ROBO1: variants seen among roughly 807,000 people sequenced by gnomAD.
ROBO1 encodes roundabout guidance receptor 1.
A neutral mutation model predicts 195.9 loss-of-function variants in ROBO1; 149 were observed. That is an observed-to-expected ratio of 0.76 (90% confidence interval 0.67 to 0.87). The LOEUF (loss-of-function observed/expected upper bound fraction) is 0.87. Ranked by LOEUF, ROBO1 falls within the 40% of genes least tolerant of loss-of-function variation. The pLI, the probability that ROBO1 is intolerant of heterozygous loss-of-function variation, is 0.00. For synonymous variants in ROBO1, 816 were observed against 733.2 expected (o/e 1.11, Z -1.82); for missense variants, 1,933 against 2,068.3 (o/e 0.93, Z 1.27).
chr3:79,056,935 C>A (rs2078820660), intron 3 of ROBO1, among the ~76,000 whole-genome samples: 1 of 152,004 alleles, frequency 6.6e-6, no homozygotes, highest in Admixed American at 6.6e-5. Flanking sequence ...CTTAAAATTT[C>A]TGGATTTGAT....
At position 79,251,966 on chromosome 3, in the gene ROBO1, T is replaced by C. The variant is rs368625318; in HGVS notation, c.89-126427A>G. ...CTCAGTCTCAAAGAAACCAGAAAAC[T>C]TAGGTGACCCAAAATCAAGATTTTC... is the stretch of plus-strand genomic sequence containing the variant. On this transcript the variant is annotated intron_variant, in intron 2 of 30. Coordinates refer to ENST00000464233, the MANE Select transcript of ROBO1 (RefSeq NM_002941.4). Among the ~76,000 whole-genome samples, 335 of 151,396 alleles carry C rather than the reference T, an allele frequency of 2.2e-3. 1 individual carries two copies. The highest frequency in any genetic ancestry group is 7.1e-3 in the African/African-American group (294 of 41,258).
chr3:79,443,611 C>A (rs1170887022), intron 2 of ROBO1, among the ~76,000 whole-genome samples: 1 of 152,022 alleles, frequency 6.6e-6, no homozygotes, highest in African/African-American at 2.4e-5. Flanking sequence ...AATGATATCT[C>A]AACAAATGAA....
At chr3:79,234,420 G>A (rs74870204) in intron 2 of ROBO1, among the ~76,000 whole-genome samples, 9,082 of 152,024 alleles carry the variant, frequency 0.06, 345 homozygotes, top group Middle Eastern at 0.099. Context: ...AGCTATCTCC[G>A]CACCATTTAT....
At chr3:78,860,326 A>ATATATATATT (rs376853384) in intron 4 of ROBO1, among the ~76,000 whole-genome samples, 1,664 of 93,408 alleles carry the variant, frequency 0.018, 25 homozygotes, top group South Asian at 0.022. Flanking sequence ...ATATATATAT[A>ATATATATATT]TTTTTTTTTT....
At chr3:79,320,119 A>T (rs1553719199) in intron 2 of ROBO1, among the ~76,000 whole-genome samples, 1 of 152,184 alleles carries the variant, frequency 6.6e-6, no homozygotes, top group Non-Finnish European at 1.5e-5. Context: ...TATTTCTCAC[A>T]GTTCTAGATA....
intron 2 of ROBO1, among the ~76,000 whole-genome samples, chr3:79,134,806 C>T: frequency 1.0e-5 from 1 of 97,096 alleles, no homozygotes; most frequent in East Asian, 3.1e-4. Flanking sequence ...CCAAACACCG[C>T]ATATTCTCAC....
intron 4 of ROBO1, among the ~76,000 whole-genome samples, chr3:78,814,838 C>T (rs938333597): frequency 6.6e-6 from 1 of 152,080 alleles, no homozygotes; most frequent in Non-Finnish European, 1.5e-5. Context: ...ACATTTATGG[C>T]AATCATACAG....
chr3:79,707,578 G>A (rs781244817), intron 1 of ROBO1, among the ~76,000 whole-genome samples: 1 of 152,018 alleles, frequency 6.6e-6, no homozygotes, highest in Non-Finnish European at 1.5e-5. Context: ...GTGCAATCTC[G>A]GCTCACTTCA....
At chr3:79,659,166 G>A (rs1032439486) in intron 1 of ROBO1, among the ~76,000 whole-genome samples, 1 of 151,936 alleles carries the variant, frequency 6.6e-6, no homozygotes, top group African/African-American at 2.4e-5. Context: ...TTAACCATCC[G>A]GTTGACTCAA....
intron 3 of ROBO1, among the ~76,000 whole-genome samples, chr3:79,041,021 C>G (rs2078478545): frequency 6.6e-6 from 1 of 152,062 alleles, no homozygotes; most frequent in Non-Finnish European, 1.5e-5. Context: ...TCTCAGACAT[C>G]ACTCCCTACC....
At chr3:79,661,181 TA>T in intron 1 of ROBO1, among the ~76,000 whole-genome samples, 1 of 152,164 alleles carries the variant, frequency 6.6e-6, no homozygotes, top group South Asian at 2.1e-4. Flanking sequence ...TCAACCACTT[TA>T]AAGAATTACC....
intron 4 of ROBO1, among the ~76,000 whole-genome samples, chr3:78,781,007 AACCT>A (rs1386082262): frequency 3.3e-5 from 5 of 152,114 alleles, no homozygotes; most frequent in African/African-American, 1.2e-4. Flanking sequence ...TTTCTACCAA[AACCT>A]AAACAAATAG....
chr3:79,626,039 A>G (rs1398156056), intron 1 of ROBO1, among the ~76,000 whole-genome samples: 3 of 152,218 alleles, frequency 2.0e-5, no homozygotes, highest in Admixed American at 6.5e-5. Flanking sequence ...CTGGTTCAAC[A>G]TACCCCAATC....
At chr3:79,695,696 T>C (rs952372092) in intron 1 of ROBO1, among the ~76,000 whole-genome samples, 1 of 151,458 alleles carries the variant, frequency 6.6e-6, no homozygotes, top group Non-Finnish European at 1.5e-5. Flanking sequence ...CAAAGAATTA[T>C]GTTGAAATGC....
rs141436260 is a variant in ROBO1, at chr3:79,046,955, T to A, written c.172+78501A>T. ...AGATTATTTGTTATGCAGCAATAGA[T>A]AACTAATACAGAGTTCGGCATCTAG... is the stretch of plus-strand genomic sequence containing the variant. On this transcript the variant is annotated intron_variant, in intron 3 of 30. Transcript: ENST00000464233. 3.3e-5 allele frequency among the ~76,000 whole-genome samples: 5 copies of A among 152,266 alleles called. No individual in the cohort carries two copies. The East Asian group carries it at 9.7e-4, about 29-fold the overall frequency.
intron 24 of ROBO1, among the ~76,000 whole-genome samples, chr3:78,633,047 G>GT (rs971344259): frequency 1.3e-5 from 2 of 152,158 alleles, no homozygotes; most frequent in Non-Finnish European, 2.9e-5. Flanking sequence ...CCAGACCAGC[G>GT]TGTTAGTTAA....
intron 4 of ROBO1, among the ~76,000 whole-genome samples, chr3:78,931,236 C>CTT (rs71127369): frequency 0.21 from 16,284 of 79,206 alleles, 1,591 homozygotes; most frequent in Non-Finnish European, 0.27. Flanking sequence ...TTCTTTCTTT[C>CTT]TTTTTTTTTT....
intron 2 of ROBO1, among the ~76,000 whole-genome samples, chr3:79,136,268 C>T (rs1384044634): frequency 6.6e-6 from 1 of 152,082 alleles, no homozygotes; most frequent in African/African-American, 2.4e-5. Flanking sequence ...GGTTTGCAAT[C>T]ACAGCTCAAA....
chr3:78,741,714 C>T (rs2082538071), intron 5 of ROBO1, among the ~76,000 whole-genome samples: 1 of 152,068 alleles, frequency 6.6e-6, no homozygotes, highest in Non-Finnish European at 1.5e-5. Flanking sequence ...AAGAAAATTT[C>T]ATTTATTAAC....
Sources: gnomAD v4.1 joint callset for allele counts (sites outside exome capture counted in the v4.1 genomes callset) on GRCh38, gnomAD v4.1.1 for gene constraint, MANE v1.5 for transcripts, NCBI Gene and HGNC (gene_info 2026-07-23, HGNC 2026-07-21) for gene names.